The following CCDC171 variants were observed in gnomAD, a reference collection of about 807,000 sequenced individuals.
CCDC171 encodes coiled-coil domain containing 171.
A neutral mutation model predicts 168.2 loss-of-function variants in CCDC171; 177 were observed. The observed-to-expected ratio is 1.05, with a 90% CI of 0.93 to 1.19. The LOEUF (loss-of-function observed/expected upper bound fraction) is 1.19. Among genes scored for constraint, CCDC171 ranks in the 50% most tolerant of loss-of-function variants. The pLI, the probability that CCDC171 is intolerant of heterozygous loss-of-function variation, is 0.00. For synonymous variants in CCDC171, 687 were observed against 540.8 expected (o/e 1.27, Z -3.75); for missense variants, 1,991 against 1,539.0 (o/e 1.29, Z -4.91).
chr9:15,555,462 G>C (rs941227869), intron 1 of CCDC171, among the ~76,000 whole-genome samples: 6 of 152,036 alleles, frequency 3.9e-5, no homozygotes, highest in African/African-American at 1.4e-4. Flanking sequence ...TTTCGATACG[G>C]GGAAAAATGA....
intron 6 of CCDC171, among the ~76,000 whole-genome samples, chr9:16,034,416 G>A (rs1465624822): frequency 6.6e-6 from 1 of 152,140 alleles, no homozygotes; most frequent in African/African-American, 2.4e-5. Flanking sequence ...GATTTTCAAC[G>A]GGTGGTAAAC....
Position 15,784,694 on chromosome 9 carries a change from G to C in CCDC171, c.3267G>C (p.Lys1089Asn), listed in dbSNP as rs200971450. The C allele has an allele frequency of 4.5e-5, 73 of 1,608,018 alleles. No homozygotes were observed. The African/African-American group carries it at 7.1e-4, about 16-fold the overall frequency. Residue 1089 changes from lysine (K) to asparagine (N), a missense_variant and splice_region_variant, in exon 21 of 26, where the codon AAG becomes AAC. Lys to Asn is a moderately conservative substitution (Grantham distance 94). Transcript: ENST00000380701. ...DKNQTLGEAVKSLSEAKMELR... is the reference protein window; with the variant it reads ...DKNQTLGEAVNSLSEAKMELR... ...ACCAAACTCTTGGAGAAGCTGTTAA[G>C]GTAAGAGAATAAAGGGATATTTGCA...
chr9:15,953,326 G>T (rs766161771), intron 25 of CCDC171, among the ~76,000 whole-genome samples: 1 of 152,072 alleles, frequency 6.6e-6, no homozygotes, highest in Non-Finnish European at 1.5e-5. Flanking sequence ...TCATATATAT[G>T]ACCTTTATTG....
intron 3 of CCDC171, among the ~76,000 whole-genome samples, chr9:16,011,927 C>G (rs369667732): frequency 6.6e-6 from 1 of 152,206 alleles, no homozygotes; most frequent in Admixed American, 6.5e-5. Flanking sequence ...GTCACCGATA[C>G]TGGGACATCC....
At chr9:15,732,693 G>A (rs1490531174) in intron 16 of CCDC171, among the ~76,000 whole-genome samples, 4 of 152,124 alleles carry the variant, frequency 2.6e-5, no homozygotes, top group Non-Finnish European at 4.4e-5. Context: ...AATACTTGCT[G>A]ATGGGCCTTT....
upstream of CCDC171, among the ~76,000 whole-genome samples, chr9:16,038,753 G>C (rs903578465): frequency 6.7e-6 from 1 of 149,660 alleles, no homozygotes; most frequent in African/African-American, 2.5e-5. Flanking sequence ...TTAAAACACA[G>C]AGATTGTTAA....
intron 21 of CCDC171, among the ~76,000 whole-genome samples, chr9:15,800,633 T>C (rs796550065): frequency 3.3e-5 from 5 of 152,142 alleles, no homozygotes; most frequent in African/African-American, 1.2e-4. Context: ...CCCATTTGTC[T>C]ATTTTTTCTT....
At chr9:15,866,413 G>A (rs564257793) in intron 23 of CCDC171, among the ~76,000 whole-genome samples, 3 of 152,112 alleles carry the variant, frequency 2.0e-5, no homozygotes, top group African/African-American at 7.2e-5. Flanking sequence ...GTGTCAGAAG[G>A]AAGGATGTGA....
At chr9:15,645,613 T>G (rs1301966753) in intron 7 of CCDC171, among the ~76,000 whole-genome samples, 1 of 152,070 alleles carries the variant, frequency 6.6e-6, no homozygotes, top group Non-Finnish European at 1.5e-5. Flanking sequence ...CAAGGTTCAG[T>G]AGCCGATTTG....
chr9:15,934,100 A>G (rs1488277854), intron 25 of CCDC171, among the ~76,000 whole-genome samples: 2 of 151,956 alleles, frequency 1.3e-5, no homozygotes, highest in African/African-American at 4.8e-5. Flanking sequence ...TTTTTAAAAA[A>G]TCACAGAGGA....
intron 10 of CCDC171, among the ~76,000 whole-genome samples, chr9:15,693,313 A>G (rs1008127755): frequency 6.6e-6 from 1 of 152,154 alleles, no homozygotes; most frequent in Admixed American, 6.5e-5. Context: ...GATAACTTAG[A>G]TATGTTTTCA....
At chr9:15,669,668 A>G (rs1312744246) in intron 9 of CCDC171, among the ~76,000 whole-genome samples, 1 of 152,216 alleles carries the variant, frequency 6.6e-6, no homozygotes, top group Admixed American at 6.6e-5. Context: ...GGGCAATAGT[A>G]GGGAGAAAGA....
chr9:15,729,507 G>T, intron 15 of CCDC171, 103 bp from the exon 16 acceptor site: 1 of 614,450 alleles, frequency 1.6e-6, no homozygotes. Flanking sequence ...ATGATCTTAA[G>T]GAATAAAATA....
chr9:15,866,686 A>G (rs1165928488), intron 23 of CCDC171, among the ~76,000 whole-genome samples: 3 of 152,034 alleles, frequency 2.0e-5, no homozygotes, highest in Non-Finnish European at 4.4e-5. Context: ...TGACTAACAT[A>G]ATACTCTGGC....
chr9:15,751,099 G>T (rs930309368), intron 18 of CCDC171, among the ~76,000 whole-genome samples: 5 of 152,146 alleles, frequency 3.3e-5, no homozygotes, highest in Admixed American at 2.0e-4. Context: ...AAATCAATGT[G>T]CAAAAATCAC....
chr9:15,648,917 C>T (rs2047271742), intron 7 of CCDC171, among the ~76,000 whole-genome samples: 1 of 152,090 alleles, frequency 6.6e-6, no homozygotes, highest in Non-Finnish European at 1.5e-5. Flanking sequence ...CATATGAAAC[C>T]AGAAAAGAGA....
At chr9:16,035,040 G>A (rs1006798433) in intron 6 of CCDC171, among the ~76,000 whole-genome samples, 3 of 152,178 alleles carry the variant, frequency 2.0e-5, no homozygotes, top group African/African-American at 4.8e-5. Flanking sequence ...TGACGTCTCC[G>A]TTAGTAGGGC....
At chr9:15,847,007 C>G (rs1387622032) in intron 22 of CCDC171, among the ~76,000 whole-genome samples, 160 bp downstream of exon 22, 1 of 152,054 alleles carries the variant, frequency 6.6e-6, no homozygotes, top group African/African-American at 2.4e-5. Flanking sequence ...AAGAAAAACT[C>G]TTAACATACT....
At chr9:15,906,590 G>T (rs1039066134) in intron 24 of CCDC171, among the ~76,000 whole-genome samples, 5 of 152,166 alleles carry the variant, frequency 3.3e-5, no homozygotes, top group African/African-American at 1.2e-4. Flanking sequence ...AAAACTGGAA[G>T]CATTCCCTCT....
Sources: gnomAD v4.1 joint callset for allele counts (sites outside exome capture counted in the v4.1 genomes callset) on GRCh38, gnomAD v4.1.1 for gene constraint, MANE v1.5 for transcripts, NCBI Gene and HGNC (gene_info 2026-07-23, HGNC 2026-07-21) for gene names.